The following BPNT1 variants were observed in gnomAD, a reference collection of about 807,000 sequenced individuals.
BPNT1 encodes 3'(2'), 5'-bisphosphate nucleotidase 1, also known as 3'(2'),5'-bisphosphate nucleotidase 1.
BPNT1 carries 28 observed loss-of-function variants against 36.9 expected under a neutral mutation model. The ratio of observed to expected loss-of-function variants is 0.76; its 90% confidence interval spans 0.56 to 1.04. BPNT1 has a LOEUF of 1.04. Ranked by LOEUF, BPNT1 falls within the 50% of genes least tolerant of loss-of-function variation. The pLI, the probability that BPNT1 is intolerant of heterozygous loss-of-function variation, is 0.00. For synonymous variants in BPNT1, 119 were observed against 130.9 expected, an observed-to-expected ratio of 0.91 and a Z score of 0.62; for missense variants, 313 against 372.9, an observed-to-expected ratio of 0.84 and a Z score of 1.32.
chr1:220,062,684 T>G, intron 7 of BPNT1, 73 bp downstream of exon 7: 1 of 1,529,332 alleles, frequency 6.5e-7, no homozygotes, highest in Non-Finnish European at 9.0e-7. Context: ...AAACTCTTAT[T>G]TCATGTTTTT....
chr1:220,081,750 A>G lies in BPNT1; in HGVS notation c.-8-1896T>C, dbSNP rs562985389. Among the ~76,000 whole-genome samples the G allele has an allele frequency of 2.0e-5, 3 of 151,988 alleles. No homozygotes were observed. In the South Asian group the frequency reaches 6.2e-4, roughly 32 times the overall value. On this transcript the variant is annotated intron_variant, in intron 1 of 8. Transcript: ENST00000322067. The stretch of plus-strand genomic sequence containing the variant: ...CTGAAACGTCACAATAGGGAGATTT[A>G]AAGGCCATTTCCTACCCCAAGTGGG...
chr1:220,086,565 T>A (rs1489622051), intron 1 of BPNT1, among the ~76,000 whole-genome samples: 3 of 151,616 alleles, frequency 2.0e-5, no homozygotes, highest in Non-Finnish European at 1.5e-5. Flanking sequence ...TGAGCCACCA[T>A]GCCTGGTCTG....
At chr1:220,082,341 C>A (rs571751701) in intron 1 of BPNT1, among the ~76,000 whole-genome samples, 2 of 151,234 alleles carry the variant, frequency 1.3e-5, no homozygotes, top group African/African-American at 4.9e-5. Context: ...CTACCACACT[C>A]GGCTAATTTT....
intron 1 of BPNT1, among the ~76,000 whole-genome samples, chr1:220,083,119 C>T (rs892282697): frequency 1.3e-5 from 2 of 151,166 alleles, no homozygotes; most frequent in African/African-American, 4.9e-5. Context: ...CACCTGTAAT[C>T]CCAGCTACTC....
intron 1 of BPNT1, among the ~76,000 whole-genome samples, chr1:220,081,367 A>T (rs943075436): frequency 8.6e-5 from 13 of 151,906 alleles, no homozygotes; most frequent in African/African-American, 2.7e-4. Context: ...ACATGGTGAA[A>T]CCTCGTCTCT....
chr1:220,078,114 C>A (rs535465231), intron 2 of BPNT1, among the ~76,000 whole-genome samples: 2 of 146,338 alleles, frequency 1.4e-5, no homozygotes, highest in Admixed American at 1.4e-4. Flanking sequence ...CTTGAGGCTG[C>A]AACAAGCTAT....
At chr1:220,079,901 A>G in intron 1 of BPNT1, 47 bp from the exon 2 acceptor site, 4 of 1,575,258 alleles carry the variant, frequency 2.5e-6, no homozygotes, top group South Asian at 2.3e-5. Flanking sequence ...AAAGCCAACT[A>G]CTGGTTTTAT....
chr1:220,071,027 C>G (rs1664016568), intron 4 of BPNT1, among the ~76,000 whole-genome samples: 1 of 151,232 alleles, frequency 6.6e-6, no homozygotes, highest in South Asian at 2.1e-4. Flanking sequence ...ATCCCAGTTA[C>G]TCAGGAGGCT....
At chr1:220,078,720 C>A (rs1438988555) in intron 2 of BPNT1, among the ~76,000 whole-genome samples, 1 of 151,660 alleles carries the variant, frequency 6.6e-6, no homozygotes, top group Non-Finnish European at 1.5e-5. Flanking sequence ...GCCTCAGCCT[C>A]CTGAGTAGCT....
intron 4 of BPNT1, among the ~76,000 whole-genome samples, chr1:220,072,145 G>A (rs1486821454): frequency 4.0e-5 from 6 of 150,546 alleles, no homozygotes; most frequent in Admixed American, 6.6e-5. Context: ...GGCGGATCAC[G>A]AGGTCAAGAG....
chr1:220,084,669 T>A (rs1386910526), intron 1 of BPNT1, among the ~76,000 whole-genome samples: 3 of 152,240 alleles, frequency 2.0e-5, no homozygotes, highest in African/African-American at 7.2e-5. Flanking sequence ...TCAGGCTTCA[T>A]AAATGACTCA....
At chr1:220,060,668 T>A (rs937781689) in intron 7 of BPNT1, among the ~76,000 whole-genome samples, 1 of 151,720 alleles carries the variant, frequency 6.6e-6, no homozygotes, top group Non-Finnish European at 1.5e-5. Flanking sequence ...AATACAAACT[T>A]TTTTTTTTAA....
chr1:220,087,037 A>G (rs1336945571), intron 1 of BPNT1, among the ~76,000 whole-genome samples: 11 of 137,366 alleles, frequency 8.0e-5, no homozygotes, highest in African/African-American at 3.0e-4. Context: ...ACAGAGCAAG[A>G]CTCCGTCTCA....
chr1:220,058,294 TATAAC>T lies in BPNT1; in HGVS notation c.*545_*549del, dbSNP rs1662705535. ...CTCCACCTAAATACAGGAAAACAAA[TATAAC>T]ATATTGAGTTTATAAGTTCTCCAGA... On this transcript the variant is annotated 3_prime_UTR_variant, in exon 9 of 9. Transcript: ENST00000322067. 2.0e-6 allele frequency: 2 copies of T among 988,820 alleles called. No homozygotes were observed. The highest frequency in any genetic ancestry group is 1.7e-5 in the African/African-American group (1 of 57,266). 61.3% of individuals were successfully genotyped at this position (988,820 alleles called of 1,614,324 possible).
chr1:220,086,314 A>T (rs1655716259), intron 1 of BPNT1, among the ~76,000 whole-genome samples: 1 of 152,168 alleles, frequency 6.6e-6, no homozygotes, highest in South Asian at 2.1e-4. Context: ...TCTGTCGCCC[A>T]GGCTAAAGTG....
chr1:220,066,223 A>G (rs41274794), intron 6 of BPNT1: 55,316 of 632,910 alleles, frequency 0.087, 2,700 homozygotes, highest in South Asian at 0.12. Context: ...GTGCATTACA[A>G]TGCTTTATAT....
At chr1:220,068,100 T>A (rs934763146) in intron 5 of BPNT1, among the ~76,000 whole-genome samples, 9 of 152,200 alleles carry the variant, frequency 5.9e-5, no homozygotes, top group Non-Finnish European at 1.3e-4. Flanking sequence ...TTATGATAAA[T>A]TTTTTAAGCC....
At chr1:220,070,772 C>G (rs1213343247) in intron 4 of BPNT1, among the ~76,000 whole-genome samples, 1 of 150,092 alleles carries the variant, frequency 6.7e-6, no homozygotes, top group Non-Finnish European at 1.5e-5. Context: ...CCAGCACCAT[C>G]TCTTAAAGAG....
At chr1:220,064,981 A>G (rs1663409325) in intron 6 of BPNT1, among the ~76,000 whole-genome samples, 1 of 151,556 alleles carries the variant, frequency 6.6e-6, no homozygotes, top group Non-Finnish European at 1.5e-5. Flanking sequence ...CTAATTTTGT[A>G]TTTTTTTAGT....
Sources: gnomAD v4.1 joint callset for allele counts (sites outside exome capture counted in the v4.1 genomes callset) on GRCh38, gnomAD v4.1.1 for gene constraint, MANE v1.5 for transcripts, NCBI Gene and HGNC (gene_info 2026-07-23, HGNC 2026-07-21) for gene names.